Variants in SYNPR observed in about 807,000 individuals in gnomAD.
The protein encoded by SYNPR is synaptoporin.
SYNPR carries 23 observed loss-of-function variants against 32.9 expected under a neutral mutation model. The ratio of observed to expected loss-of-function variants is 0.70; its 90% CI spans 0.50 to 0.99. The LOEUF (loss-of-function observed/expected upper bound fraction) is 0.99, where lower values mean the gene tolerates loss of function less well. Ranked by LOEUF, SYNPR falls within the 50% of genes least tolerant of loss-of-function variation. The pLI is 0.00. For missense variants in SYNPR, 318 were observed against 349.3 expected (o/e 0.91, Z 0.71); for synonymous variants, 146 against 135.9 (o/e 1.07, Z -0.52).
At chr3:63,428,801 G>C (rs989211208) in intron 2 of SYNPR, among the ~76,000 whole-genome samples, 9 of 152,214 alleles carry the variant, frequency 5.9e-5, no homozygotes, top group African/African-American at 1.9e-4. Flanking sequence ...AGTTCCAGGA[G>C]ATTGGGGATT....
intron 1 of SYNPR, among the ~76,000 whole-genome samples, chr3:63,238,934 TAA>T (rs1266492444): frequency 6.6e-6 from 1 of 152,156 alleles, no homozygotes; most frequent in South Asian, 2.1e-4. Flanking sequence ...TATTACACTT[TAA>T]GTCATAATAT....
At chr3:63,467,168 G>A (rs1164691426) in intron 2 of SYNPR, among the ~76,000 whole-genome samples, 1 of 152,066 alleles carries the variant, frequency 6.6e-6, no homozygotes, top group African/African-American at 2.4e-5. Flanking sequence ...ATGCCACCCA[G>A]CTGAGCTAAC....
chr3:63,436,218 G>C (rs9864237), intron 2 of SYNPR, among the ~76,000 whole-genome samples: 2,340 of 151,792 alleles, frequency 0.015, 53 homozygotes, highest in African/African-American at 0.046. Context: ...TTTTAGGGTA[G>C]ATGTGCACAA....
At chr3:63,407,996 A>G (rs2088384261) in intron 2 of SYNPR, among the ~76,000 whole-genome samples, 1 of 151,904 alleles carries the variant, frequency 6.6e-6, no homozygotes, top group Non-Finnish European at 1.5e-5. Flanking sequence ...GGGCATCTTT[A>G]GAAAACTAGC....
At position 63,480,828 on chromosome 3, in the gene SYNPR, A is replaced by G. The variant is rs993759410; in HGVS notation, c.85-4A>G. The G allele has an allele frequency of 6.2e-7, 1 of 1,612,878 alleles. No homozygotes were observed. ...CCTTCTATTTGTTTAATTGTTCTCC[A>G]CAGCTTTTTGCAATCTTTGCATTTG... On this transcript the variant is annotated splice_region_variant and splice_polypyrimidine_tract_variant and intron_variant, in intron 2 of 5. Coordinates refer to ENST00000478300, the MANE Select transcript of SYNPR (RefSeq NM_001130003.2).
At chr3:63,547,573 T>C (rs1427628497) in intron 3 of SYNPR, among the ~76,000 whole-genome samples, 1 of 152,068 alleles carries the variant, frequency 6.6e-6, no homozygotes, top group South Asian at 2.1e-4. Context: ...AGTGGAGCAA[T>C]GGAACAATGG....
intron 4 of SYNPR, among the ~76,000 whole-genome samples, chr3:63,584,913 T>A (rs897722146): frequency 1.3e-5 from 2 of 152,086 alleles, no homozygotes; most frequent in Non-Finnish European, 2.9e-5. Flanking sequence ...TGGAAGCTTG[T>A]TAGAAATGCA....
intron 3 of SYNPR, among the ~76,000 whole-genome samples, chr3:63,271,408 CT>C (rs1290807998): frequency 1.3e-5 from 2 of 152,070 alleles, no homozygotes; most frequent in Admixed American, 1.3e-4. Flanking sequence ...GGAAATGATC[CT>C]TTTAATTGCT....
chr3:63,307,178 A>G (rs2086917340), intron 2 of SYNPR, among the ~76,000 whole-genome samples: 1 of 151,990 alleles, frequency 6.6e-6, no homozygotes, highest in Non-Finnish European at 1.5e-5. Context: ...TCTGCATTTT[A>G]CAGATGAGGA....
intron 1 of SYNPR, among the ~76,000 whole-genome samples, chr3:63,251,023 G>A (rs1029588540): frequency 6.6e-5 from 10 of 152,030 alleles, no homozygotes; most frequent in Admixed American, 5.9e-4. Context: ...ATAAGAAACT[G>A]TTAAAAGTTG....
At chr3:63,319,701 A>T (rs903725156) in intron 2 of SYNPR, among the ~76,000 whole-genome samples, 1 of 152,074 alleles carries the variant, frequency 6.6e-6, no homozygotes. Context: ...ATACTGCCTA[A>T]AACAATCTAC....
intron 2 of SYNPR, among the ~76,000 whole-genome samples, chr3:63,288,644 G>A (rs2086709047): frequency 2.0e-5 from 3 of 152,206 alleles, no homozygotes; most frequent in East Asian, 1.9e-4. Context: ...GAATAAAAAT[G>A]TATTCCCTCA....
chr3:63,405,562 TAAAG>T (rs1291406190), intron 2 of SYNPR, among the ~76,000 whole-genome samples: 2 of 152,074 alleles, frequency 1.3e-5, no homozygotes, highest in Admixed American at 1.3e-4. Context: ...TAGACTGTGT[TAAAG>T]AAAGAACCTA....
chr3:63,536,594 G>A (rs902908699), intron 3 of SYNPR, among the ~76,000 whole-genome samples: 2 of 152,112 alleles, frequency 1.3e-5, no homozygotes, highest in Non-Finnish European at 2.9e-5. Context: ...CCACTAAACT[G>A]TATGATCTAG....
At chr3:63,545,801 G>A (rs1267082815) in intron 3 of SYNPR, among the ~76,000 whole-genome samples, 8 of 151,962 alleles carry the variant, frequency 5.3e-5, no homozygotes, top group South Asian at 2.1e-4. Context: ...TAAATAGCAC[G>A]TTTTGACTGA....
intron 2 of SYNPR, chr3:63,423,543 C>A (rs986448892): frequency 6.6e-6 from 1 of 152,236 alleles, no homozygotes; most frequent in Non-Finnish European, 1.5e-5. Flanking sequence ...TGACCATTTA[C>A]AGTAAGGCAT....
At chr3:63,203,952 T>C in the SYNPR span, among the ~76,000 whole-genome samples, 1 of 152,120 alleles carries the variant, frequency 6.6e-6, no homozygotes, top group Non-Finnish European at 1.5e-5. Flanking sequence ...TAAGCCAAGA[T>C]GGCGCCATGG....
At chr3:63,484,542 T>A (rs1471425287) in intron 3 of SYNPR, among the ~76,000 whole-genome samples, 1 of 152,128 alleles carries the variant, frequency 6.6e-6, no homozygotes, top group Non-Finnish European at 1.5e-5. Flanking sequence ...ACAAAAATTT[T>A]CATGGCAAAG....
At chr3:63,526,890 C>T (rs1398634990) in intron 3 of SYNPR, among the ~76,000 whole-genome samples, 1 of 152,160 alleles carries the variant, frequency 6.6e-6, no homozygotes, top group Non-Finnish European at 1.5e-5. Flanking sequence ...GCTCAGAGCT[C>T]AGATGGTGAG....
Sources: allele counts gnomAD v4.1 joint callset (sites outside exome capture counted in the v4.1 genomes callset), GRCh38; gene constraint gnomAD v4.1.1; transcripts MANE v1.5; gene names NCBI Gene and HGNC (gene_info 2026-07-23, HGNC 2026-07-21).